CNTN5: variants seen among roughly 807,000 people sequenced by gnomAD.
The protein encoded by CNTN5 is contactin 5.
A neutral mutation model predicts 129.1 loss-of-function variants in CNTN5; 77 were observed. That is an observed-to-expected ratio of 0.60 (90% CI 0.50 to 0.72). The LOEUF (loss-of-function observed/expected upper bound fraction) is 0.72. Ranked by LOEUF, CNTN5 falls within the 30% of genes least tolerant of loss-of-function variation. The pLI, the probability that CNTN5 is intolerant of heterozygous loss-of-function variation, is 0.00. For missense variants in CNTN5, 1,478 were observed against 1,328.8 expected (o/e 1.11, Z -1.75); for synonymous variants, 509 against 465.6 (o/e 1.09, Z -1.20).
chr11:99,184,880 T>C (rs1473138730), intron 1 of CNTN5, among the ~76,000 whole-genome samples: 1 of 152,006 alleles, frequency 6.6e-6, no homozygotes, highest in East Asian at 1.9e-4. Flanking sequence ...AGAAAACTCA[T>C]TGATAAAAGA....
intron 3 of CNTN5, among the ~76,000 whole-genome samples, chr11:99,734,940 G>A (rs541138915): frequency 3.9e-5 from 6 of 152,314 alleles, no homozygotes; most frequent in Admixed American, 1.3e-4. Flanking sequence ...GCCGGGAGGC[G>A]GAGCTTGCAG....
chr11:99,149,540 C>T (rs1024325942), intron 1 of CNTN5, among the ~76,000 whole-genome samples: 6 of 152,002 alleles, frequency 3.9e-5, no homozygotes, highest in East Asian at 1.9e-4. Context: ...AACTGTCATA[C>T]GTTACAACAC....
rs1859069856 is a variant in CNTN5 at position 99,199,632 on chromosome 11, AGAATTTCTCAT to A, written c.-209-125712_-209-125702del. Among the ~76,000 whole-genome samples, 3 of 152,292 alleles carry A rather than the reference AGAATTTCTCAT, an allele frequency of 2.0e-5. No individual in the cohort carries two copies. In the South Asian group the frequency reaches 6.3e-4, roughly 32 times the overall value. The stretch of plus-strand genomic sequence containing the variant: ...CTAGGACCAGCAGACCACCTGGGGC[AGAATTTCTCAT>A]GGATACGACAAAATCCAAAAATGGC... On this transcript the variant is annotated intron_variant, in intron 1 of 24. Coordinates refer to ENST00000524871, the MANE Select transcript of CNTN5 (RefSeq NM_014361.4).
intron 1 of CNTN5, among the ~76,000 whole-genome samples, chr11:99,057,123 G>C (rs1262005682): frequency 6.6e-6 from 1 of 151,998 alleles, no homozygotes; most frequent in East Asian, 1.9e-4. Flanking sequence ...GCTGTCTCTT[G>C]GGATAGATGG....
At chr11:100,338,011 A>G (rs1182652293) in intron 21 of CNTN5, among the ~76,000 whole-genome samples, 2 of 152,256 alleles carry the variant, frequency 1.3e-5, no homozygotes, top group Non-Finnish European at 2.9e-5. Context: ...AGGGAACTAC[A>G]TCAGAAAGTT....
At chr11:99,607,697 C>G (rs1292552022) in intron 3 of CNTN5, among the ~76,000 whole-genome samples, 4 of 117,480 alleles carry the variant, frequency 3.4e-5, no homozygotes, top group African/African-American at 8.8e-5. Context: ...TTGGAACCAA[C>G]CCAAATGTCC....
At chr11:100,249,604 GA>G (rs1412188983) in intron 16 of CNTN5, among the ~76,000 whole-genome samples, 1 of 152,174 alleles carries the variant, frequency 6.6e-6, no homozygotes, top group Non-Finnish European at 1.5e-5. Flanking sequence ...GATTTCTACT[GA>G]ATGAGTGGCA....
At chr11:99,071,210 C>G (rs1480810495) in intron 1 of CNTN5, among the ~76,000 whole-genome samples, 2 of 152,090 alleles carry the variant, frequency 1.3e-5, no homozygotes, top group Non-Finnish European at 2.9e-5. Context: ...AGAGGTCACT[C>G]TACTCTCTGC....
intron 3 of CNTN5, among the ~76,000 whole-genome samples, chr11:99,561,033 G>A (rs1448753989): frequency 2.6e-5 from 4 of 152,080 alleles, no homozygotes; most frequent in Admixed American, 6.5e-5. Context: ...TCAACATTTC[G>A]GTTTCTAATA....
intron 3 of CNTN5, among the ~76,000 whole-genome samples, chr11:99,803,077 G>A (rs1946162583): frequency 1.3e-5 from 2 of 152,164 alleles, no homozygotes; most frequent in Non-Finnish European, 2.9e-5. Flanking sequence ...AGATCTGCCT[G>A]GGCATAGAGC....
intron 17 of CNTN5, among the ~76,000 whole-genome samples, chr11:100,256,834 T>A (rs1288338566): frequency 1.3e-5 from 2 of 152,030 alleles, no homozygotes; most frequent in Admixed American, 1.3e-4. Context: ...CAGGTGCCTA[T>A]GGCACCAGGG....
At chr11:99,212,067 T>C (rs751063364) in intron 1 of CNTN5, among the ~76,000 whole-genome samples, 44 of 152,212 alleles carry the variant, frequency 2.9e-4, no homozygotes, top group Non-Finnish European at 5.0e-4. Flanking sequence ...AACTTTTTGT[T>C]TGATGGGAAA....
In CNTN5 at chr11:99,614,082, G is replaced by T. The variant is rs78882060; in HGVS notation, c.55+57813G>T. ...TATGTGTTTGAAATATTCATTTTCT[G>T]TCAGTCAAAATAAACTTGAAAGTGG... On this transcript the variant is annotated intron_variant, in intron 3 of 24. Coordinates refer to ENST00000524871, the MANE Select transcript of CNTN5 (RefSeq NM_014361.4). Among the ~76,000 whole-genome samples the T allele has an allele frequency of 4.4e-3, 666 of 152,250 alleles. 26 individuals carry two copies. The East Asian group carries it at 0.1, about 23-fold the overall frequency.
intron 16 of CNTN5, 37 bp downstream of exon 16, chr11:100,224,849 A>G: frequency 6.2e-7 from 1 of 1,606,366 alleles, no homozygotes; most frequent in Non-Finnish European, 8.5e-7. Flanking sequence ...AGACATGATC[A>G]CCATAAATTA....
intron 18 of CNTN5, among the ~76,000 whole-genome samples, chr11:100,274,140 A>G (rs1224446664): frequency 1.3e-5 from 2 of 152,204 alleles, no homozygotes; most frequent in Non-Finnish European, 2.9e-5. Context: ...CCTATTCAAT[A>G]AATGGTGCTG....
At chr11:99,599,806 C>G (rs1950258269) in intron 3 of CNTN5, among the ~76,000 whole-genome samples, 1 of 151,876 alleles carries the variant, frequency 6.6e-6, no homozygotes. Context: ...GACACTTTGT[C>G]AGAAGTTTAA....
At chr11:100,220,253 G>T (rs1949233795) in intron 15 of CNTN5, among the ~76,000 whole-genome samples, 1 of 151,842 alleles carries the variant, frequency 6.6e-6, no homozygotes, top group Non-Finnish European at 1.5e-5. Flanking sequence ...CTCCAGCCTG[G>T]GTGACAGAGC....
chr11:99,306,746 GATAATAAT>G (rs1864892143), intron 1 of CNTN5, among the ~76,000 whole-genome samples: 1 of 147,042 alleles, frequency 6.8e-6, no homozygotes, highest in Non-Finnish European at 1.5e-5. Flanking sequence ...AAATAATGAT[GATAATAAT>G]AATAATAATA....
chr11:99,532,994 A>G (rs1364836621), intron 2 of CNTN5, among the ~76,000 whole-genome samples: 4 of 152,182 alleles, frequency 2.6e-5, no homozygotes, highest in Non-Finnish European at 4.4e-5. Flanking sequence ...AGGCTGTGGC[A>G]GGTGGATCAC....
Sources: gnomAD v4.1 joint callset for allele counts (sites outside exome capture counted in the v4.1 genomes callset) on GRCh38, gnomAD v4.1.1 for gene constraint, MANE v1.5 for transcripts, NCBI Gene and HGNC (gene_info 2026-07-23, HGNC 2026-07-21) for gene names.